Variants in CACNA2D3 observed in about 807,000 individuals in gnomAD.
The protein encoded by CACNA2D3 is voltage-dependent calcium channel subunit alpha-2/delta-3.
A neutral mutation model predicts 160.6 loss-of-function variants in CACNA2D3; 60 were observed. The ratio of observed to expected loss-of-function variants is 0.37; its 90% CI spans 0.30 to 0.46. CACNA2D3 has a LOEUF of 0.46. CACNA2D3 is among the 20% of genes least tolerant of loss of function. The probability of loss-of-function intolerance (pLI) is 1.00; values close to 1 mark genes in which losing one functional copy is unlikely to be tolerated. For missense variants in CACNA2D3, 1,205 were observed against 1,365.0 expected (o/e 0.88, Z 1.85); for synonymous variants, 558 against 492.9 (o/e 1.13, Z -1.75).
At chr3:54,717,572 GTGTA>G (rs1701075386) in intron 11 of CACNA2D3, among the ~76,000 whole-genome samples, 6 of 138,312 alleles carry the variant, frequency 4.3e-5, no homozygotes, top group African/African-American at 1.1e-4. Flanking sequence ...TGTGTGTGGT[GTGTA>G]TGTGTGCGTG....
Position 54,969,782 on chromosome 3 carries a change from C to T in CACNA2D3, c.2512-18C>T. On this transcript the variant is annotated intron_variant, in intron 28 of 37. Coordinates refer to ENST00000474759, the MANE Select transcript of CACNA2D3 (RefSeq NM_018398.3). ...AGTAACATAGTAACACATTTCCCTC[C>T]ACTTTTTGCCTTCACAGTGTGCTTC... is the stretch of plus-strand genomic sequence containing the variant. 1 of 1,611,704 alleles carries T rather than the reference C, an allele frequency of 6.2e-7. No homozygotes were observed. The highest frequency in any genetic ancestry group is 2.2e-5 in the East Asian group (1 of 44,744).
intron 2 of CACNA2D3, among the ~76,000 whole-genome samples, chr3:54,245,139 T>C (rs980739460): frequency 1.3e-5 from 2 of 152,198 alleles, no homozygotes; most frequent in Admixed American, 1.3e-4. Context: ...ATAAATTATA[T>C]GGTCATGGTC....
intron 3 of CACNA2D3, among the ~76,000 whole-genome samples, chr3:54,334,362 A>G (rs1271043908): frequency 6.6e-6 from 1 of 152,188 alleles, no homozygotes; most frequent in Non-Finnish European, 1.5e-5. Context: ...CTGGGATTAC[A>G]GGCTATTTTG....
At chr3:54,325,891 A>C (rs532085927) in intron 3 of CACNA2D3, among the ~76,000 whole-genome samples, 1 of 152,314 alleles carries the variant, frequency 6.6e-6, no homozygotes, top group Admixed American at 6.5e-5. Flanking sequence ...TTTGATTTAC[A>C]TTGATAAAAT....
In CACNA2D3 at chr3:54,355,517, GGTTGGCCATGGGGGAGCATGT is replaced by G. The variant is rs536320570; in HGVS notation, c.322-31161_322-31141del. Among the ~76,000 whole-genome samples the G allele has an allele frequency of 5.8e-3, 878 of 152,122 alleles. 6 individuals are homozygous for G. The highest frequency in any genetic ancestry group is 0.044 in the Middle Eastern group (13 of 294). ...TTAGAGTCATCAGGAATTGTTCATA[GGTTGGCCATGGGGGAGCATGT>G]GTTGGCCATGGGGGAGCATGTGTTG... On this transcript the variant is annotated intron_variant, in intron 3 of 37. Transcript: ENST00000474759.
intron 3 of CACNA2D3, among the ~76,000 whole-genome samples, chr3:54,384,756 G>C (rs1186979152): frequency 1.3e-5 from 2 of 152,150 alleles, no homozygotes; most frequent in Admixed American, 1.3e-4. Flanking sequence ...GTCTCACTCT[G>C]TCGCCCAGGC....
chr3:54,363,497 A>ACTT (rs1430518223), intron 3 of CACNA2D3, among the ~76,000 whole-genome samples: 1 of 152,034 alleles, frequency 6.6e-6, no homozygotes, highest in Non-Finnish European at 1.5e-5. Flanking sequence ...GTCTTTAATA[A>ACTT]CTTCTTCTGG....
intron 2 of CACNA2D3, among the ~76,000 whole-genome samples, chr3:54,264,281 T>A (rs182373934): frequency 6.6e-6 from 1 of 152,298 alleles, no homozygotes; most frequent in Non-Finnish European, 1.5e-5. Flanking sequence ...TGCTCTTGTG[T>A]TGAAAAACGA....
chr3:54,269,030 A>G (rs1702568650), intron 2 of CACNA2D3, among the ~76,000 whole-genome samples: 1 of 152,086 alleles, frequency 6.6e-6, no homozygotes, highest in South Asian at 2.1e-4. Context: ...CCTGATGTGG[A>G]GAGAAGAGTT....
At chr3:54,743,732 A>G (rs564180942) in intron 11 of CACNA2D3, among the ~76,000 whole-genome samples, 61 of 152,292 alleles carry the variant, frequency 4.0e-4, no homozygotes, top group African/African-American at 1.4e-3. Context: ...GGGCATACCT[A>G]TGAACAAATG....
At chr3:55,020,849 CA>C (rs759779848) in intron 35 of CACNA2D3, among the ~76,000 whole-genome samples, 158 of 134,184 alleles carry the variant, frequency 1.2e-3, no homozygotes, top group Non-Finnish European at 1.1e-3. Flanking sequence ...GATTCCGTCT[CA>C]AAAAAAAAAA....
intron 4 of CACNA2D3, among the ~76,000 whole-genome samples, chr3:54,440,864 A>G (rs1700133495): frequency 1.3e-5 from 2 of 152,002 alleles, no homozygotes; most frequent in Non-Finnish European, 2.9e-5. Context: ...TATGTGCCAC[A>G]TTTTCTTAAT....
chr3:54,473,698 AC>A (rs1396302498), intron 4 of CACNA2D3, among the ~76,000 whole-genome samples: 1 of 152,190 alleles, frequency 6.6e-6, no homozygotes, highest in Non-Finnish European at 1.5e-5. Context: ...GAAGAAACAA[AC>A]AACCCCATTA....
At chr3:54,645,079 A>T (rs1699608111) in intron 11 of CACNA2D3, among the ~76,000 whole-genome samples, 1 of 152,242 alleles carries the variant, frequency 6.6e-6, no homozygotes, top group South Asian at 2.1e-4. Flanking sequence ...TGGGTAATTT[A>T]TAAAGAAAAG....
intron 2 of CACNA2D3, among the ~76,000 whole-genome samples, chr3:54,188,969 A>G (rs559195791): frequency 1.8e-4 from 27 of 152,210 alleles, no homozygotes; most frequent in Non-Finnish European, 3.4e-4. Flanking sequence ...AGTTGATGGA[A>G]TTTTCCCCAC....
chr3:55,033,646 AATAT>A (rs1703726804), intron 35 of CACNA2D3, among the ~76,000 whole-genome samples: 1 of 139,946 alleles, frequency 7.1e-6, no homozygotes, highest in Admixed American at 7.8e-5. Context: ...ATACCCTTAA[AATAT>A]ATATAAAATA....
chr3:54,546,735 C>T (rs143440662), intron 5 of CACNA2D3, among the ~76,000 whole-genome samples: 15 of 151,996 alleles, frequency 9.9e-5, no homozygotes, highest in African/African-American at 3.1e-4. Flanking sequence ...CACACACAGA[C>T]GGTCAACCAG....
At chr3:54,254,170 AC>A (rs1702250719) in intron 2 of CACNA2D3, among the ~76,000 whole-genome samples, 1 of 152,190 alleles carries the variant, frequency 6.6e-6, no homozygotes, top group African/African-American at 2.4e-5. Context: ...CATAGAGACC[AC>A]TTGAGAAGCA....
chr3:54,837,801 G>A (rs1482827500), intron 15 of CACNA2D3, among the ~76,000 whole-genome samples: 1 of 152,046 alleles, frequency 6.6e-6, no homozygotes, highest in Non-Finnish European at 1.5e-5. Flanking sequence ...ATGTCTCTCT[G>A]TGTCCTTCCC....
Sources: allele counts gnomAD v4.1 joint callset (sites outside exome capture counted in the v4.1 genomes callset), GRCh38; gene constraint gnomAD v4.1.1; transcripts MANE v1.5; gene names NCBI Gene and HGNC (gene_info 2026-07-23, HGNC 2026-07-21).